STIM1: variants seen among roughly 807,000 people sequenced by gnomAD.
STIM1 encodes stromal interaction molecule 1.
In STIM1, 25 loss-of-function variants were observed where a neutral mutation model predicts 74.7. That is an observed-to-expected ratio of 0.33 (90% CI 0.24 to 0.47). The LOEUF (loss-of-function observed/expected upper bound fraction) is 0.47. STIM1 is among the 20% of genes least tolerant of loss of function. STIM1 has a pLI of 1.00. For missense variants in STIM1, 728 were observed against 920.8 expected (o/e 0.79, Z 2.71); for synonymous variants, 328 against 348.8 (o/e 0.94, Z 0.66).
intron 1 of STIM1, chr11:3,892,432 G>T: frequency 6.8e-7 from 1 of 1,467,092 alleles, no homozygotes; most frequent in South Asian, 1.1e-5. Context: ...TCTTCTTGCT[G>T]GTCTTGCCAT....
At chr11:3,901,167 A>G (rs1037347669) in intron 1 of STIM1, among the ~76,000 whole-genome samples, 1 of 152,108 alleles carries the variant, frequency 6.6e-6, no homozygotes, top group African/African-American at 2.4e-5. Flanking sequence ...GGCGACAGAG[A>G]GAGACTCAGC....
At chr11:3,884,670 C>T (rs1426022732) in intron 1 of STIM1, among the ~76,000 whole-genome samples, 1 of 151,988 alleles carries the variant, frequency 6.6e-6, no homozygotes, top group Non-Finnish European at 1.5e-5. Context: ...CTGAACCTAA[C>T]CCAAGGGAGT....
At position 3,900,225 on chromosome 11, in the gene STIM1, T is replaced by G. The variant is rs373852789; in HGVS notation, c.139+43816T>G. On this transcript the variant is annotated intron_variant, in intron 1 of 12. Transcript: ENST00000526596. ...CAATCAGCAAGACTCCCTGGGCGTA[T>G]GACCCTCCGAGCCAGGTGCGGGATA... is the stretch of plus-strand genomic sequence containing the variant. 7.8e-3 allele frequency among the ~76,000 whole-genome samples: 1,183 copies of G among 152,292 alleles called. 13 individuals carry two copies. The highest frequency in any genetic ancestry group is 0.027 in the African/African-American group (1,132 of 41,560).
At chr11:3,958,418 C>A (rs1455330477) in intron 1 of STIM1, among the ~76,000 whole-genome samples, 1 of 143,440 alleles carries the variant, frequency 7.0e-6, no homozygotes, top group Non-Finnish European at 1.6e-5. Context: ...GAAACCAGTG[C>A]CAGTTTTGTC....
intron 1 of STIM1, among the ~76,000 whole-genome samples, chr11:3,915,418 G>C (rs1332851403): frequency 7.2e-6 from 1 of 139,828 alleles, no homozygotes; most frequent in Non-Finnish European, 1.6e-5. Context: ...TTTTTTTTGA[G>C]ACGGAGCCTT....
chr11:3,994,002 T>C (rs1168148054), intron 2 of STIM1, among the ~76,000 whole-genome samples: 1 of 152,190 alleles, frequency 6.6e-6, no homozygotes, highest in Admixed American at 6.5e-5. Flanking sequence ...TTCAAAGTAC[T>C]ATCTGGGGGG....
chr11:4,000,762 A>T (rs1334012474), intron 2 of STIM1, among the ~76,000 whole-genome samples: 3 of 152,240 alleles, frequency 2.0e-5, no homozygotes, highest in African/African-American at 7.2e-5. Flanking sequence ...TTGAGAGAAG[A>T]AGGCTTCAGA....
At chr11:3,967,508 G>A in intron 1 of STIM1, 44 bp from the exon 2 acceptor site, 1 of 1,613,450 alleles carries the variant, frequency 6.2e-7, no homozygotes, top group Admixed American at 1.7e-5. Context: ...ATAGGTTCTG[G>A]GTGGCAGCTC....
intron 11 of STIM1, among the ~76,000 whole-genome samples, chr11:4,085,549 G>C (rs1347876722): frequency 6.6e-6 from 1 of 152,202 alleles, no homozygotes; most frequent in African/African-American, 2.4e-5. Flanking sequence ...AAGCGAAAAA[G>C]AGTGAACATT....
At chr11:4,028,662 G>A (rs113442617) in intron 3 of STIM1, among the ~76,000 whole-genome samples, 3,852 of 150,084 alleles carry the variant, frequency 0.026, 147 homozygotes, top group African/African-American at 0.084. Context: ...CGCCTGCCTC[G>A]GCCTTCCAAA....
Position 3,941,696 on chromosome 11 carries a change from A to AGAGAGAGAGTGT in STIM1, c.140-25855_140-25854insAGAGAGAGTGTG, listed in dbSNP as rs1214690521. On this transcript the variant is annotated intron_variant, in intron 1 of 12. Coordinates refer to ENST00000526596, the MANE Select transcript of STIM1 (RefSeq NM_001382567.1). ...TATAGAGAGAGAGAGAGAGAGAGAG[A>AGAGAGAGAGTGT]GTGTGTGTGTGTCTCAGTGTCACTG... 1.8e-3 allele frequency among the ~76,000 whole-genome samples: 259 copies of AGAGAGAGAGTGT among 141,776 alleles called. 10 individuals carry two copies. In the East Asian group the frequency reaches 0.038, roughly 21 times the overall value. The allele number at this position is 141,776 out of a possible 152,430, so 93.0% of individuals were successfully genotyped here.
chr11:4,068,208 A>G (rs1304213254), intron 5 of STIM1, among the ~76,000 whole-genome samples: 1 of 152,232 alleles, frequency 6.6e-6, no homozygotes, highest in East Asian at 1.9e-4. Flanking sequence ...GGATGAGAAT[A>G]TGAAGCTGGG....
chr11:4,082,460 G>T lies in STIM1; in HGVS notation c.1137+109G>T. The T allele has an allele frequency of 3.4e-6, 4 of 1,181,228 alleles. No homozygotes were observed. The East Asian group carries it at 7.7e-5, about 23-fold the overall frequency. 73.2% of individuals were successfully genotyped at this position (1,181,228 alleles called of 1,614,324 possible). ...CCCTGTTCCTCCCATTGGGTGAAGA[G>T]ATATCCTGGTGGTGGGTTCTGTTTC... On this transcript the variant is annotated intron_variant, in intron 8 of 12. Transcript: ENST00000526596.
chr11:4,074,216 G>C (rs1053014130), intron 6 of STIM1, among the ~76,000 whole-genome samples: 2 of 152,164 alleles, frequency 1.3e-5, no homozygotes, highest in African/African-American at 4.8e-5. Flanking sequence ...ACTGGTACTT[G>C]TTATGATTTT....
chr11:3,933,381 G>A (rs528420826), intron 1 of STIM1, among the ~76,000 whole-genome samples: 2 of 152,312 alleles, frequency 1.3e-5, no homozygotes, highest in South Asian at 4.1e-4. Context: ...ATGCTCTAAA[G>A]TAAGTACTTT....
At chr11:3,958,763 A>C (rs1475484167) in intron 1 of STIM1, among the ~76,000 whole-genome samples, 2 of 151,724 alleles carry the variant, frequency 1.3e-5, no homozygotes, top group East Asian at 3.9e-4. Flanking sequence ...TCAGGTCAGG[A>C]GTTTGAGACC....
intron 1 of STIM1, among the ~76,000 whole-genome samples, chr11:3,933,170 A>G (rs1020373578): frequency 6.6e-6 from 1 of 152,160 alleles, no homozygotes; most frequent in African/African-American, 2.4e-5. Context: ...GCGGCTGGCT[A>G]TCTTGGACTG....
At chr11:4,016,605 A>C (rs2093899702) in intron 2 of STIM1, among the ~76,000 whole-genome samples, 2 of 152,270 alleles carry the variant, frequency 1.3e-5, no homozygotes, top group South Asian at 4.1e-4. Context: ...GGGACGTTTA[A>C]GTCTGCAGAA....
chr11:4,057,795 G>A (rs986422396), intron 4 of STIM1, among the ~76,000 whole-genome samples: 2 of 151,848 alleles, frequency 1.3e-5, no homozygotes, highest in Admixed American at 6.6e-5. Flanking sequence ...GCGTGAACCC[G>A]GGAGGTGGAG....
Sources: gnomAD v4.1 joint callset for allele counts (sites outside exome capture counted in the v4.1 genomes callset) on GRCh38, gnomAD v4.1.1 for gene constraint, MANE v1.5 for transcripts, NCBI Gene and HGNC (gene_info 2026-07-23, HGNC 2026-07-21) for gene names.